Variants in ZNF503 observed in about 807,000 individuals in gnomAD.
ZNF503 encodes zinc finger protein 503.
In ZNF503, 15 loss-of-function variants were observed where a neutral mutation model predicts 34.4. The observed-to-expected ratio is 0.44, with a 90% CI of 0.29 to 0.67. ZNF503 has a LOEUF of 0.67. Among genes scored for constraint, ZNF503 ranks in the 30% least tolerant of loss-of-function variants. The pLI, the probability that ZNF503 is intolerant of heterozygous loss-of-function variation, is 0.13. For missense variants in ZNF503, 1,007 were observed against 926.8 expected, an observed-to-expected ratio of 1.09 and a Z score of -1.12; for synonymous variants, 580 against 456.8, an observed-to-expected ratio of 1.27 and a Z score of -3.44.
chr10:75,357,277 G>C, the ZNF503 span, among the ~76,000 whole-genome samples: 8 of 152,046 alleles, frequency 5.3e-5, no homozygotes, highest in Admixed American at 2.6e-4. Flanking sequence ...CAACACTTTG[G>C]GGGGCAGAGC....
At chr10:75,347,420 G>A in the ZNF503 span, among the ~76,000 whole-genome samples, 1 of 152,252 alleles carries the variant, frequency 6.6e-6, no homozygotes, top group South Asian at 2.1e-4. Context: ...CCCGAGAAGT[G>A]TGGAGTCAAG....
the ZNF503 span, among the ~76,000 whole-genome samples, chr10:75,333,098 C>T: frequency 4.2e-5 from 6 of 141,806 alleles, no homozygotes; most frequent in East Asian, 6.5e-4. Flanking sequence ...GCTGGCCGGG[C>T]GGGGGGCTGA....
chr10:75,401,791 C>G (rs774766435), upstream of ZNF503: 53 of 274,844 alleles, frequency 1.9e-4, no homozygotes, highest in Admixed American at 1.6e-3. Context: ...TCAAAAGCAG[C>G]TGCACCAAGG....
chr10:75,289,768 G>C, the ZNF503 span, among the ~76,000 whole-genome samples: 8 of 152,086 alleles, frequency 5.3e-5, no homozygotes, highest in Non-Finnish European at 1.2e-4. Context: ...GTTTCACCAT[G>C]TTGACTGGGC....
the ZNF503 span, among the ~76,000 whole-genome samples, chr10:75,375,529 CT>C: frequency 6.6e-6 from 1 of 151,640 alleles, no homozygotes; most frequent in South Asian, 2.1e-4. Context: ...TTTTCCTTTT[CT>C]TTTTGAGACA....
the ZNF503 span, among the ~76,000 whole-genome samples, chr10:75,322,128 T>TG: frequency 1.1e-4 from 1 of 9,450 alleles, no homozygotes; most frequent in African/African-American, 1.5e-3. Context: ...CCACCACCAA[T>TG]TTTTTTTTTT....
At chr10:75,339,230 C>CA in the ZNF503 span, among the ~76,000 whole-genome samples, 2 of 149,990 alleles carry the variant, frequency 1.3e-5, no homozygotes, top group African/African-American at 4.9e-5. Flanking sequence ...GACTCCGTCT[C>CA]AAAAAAAAAG....
chr10:75,283,547 C>CGTCCCCTGTAT, the ZNF503 span, among the ~76,000 whole-genome samples: 8 of 152,082 alleles, frequency 5.3e-5, no homozygotes, highest in African/African-American at 1.9e-4. Context: ...AGAGAACTGT[C>CGTCCCCTGTAT]GTCCCCTGTA....
chr10:75,351,333 G>A, the ZNF503 span, among the ~76,000 whole-genome samples: 49 of 152,150 alleles, frequency 3.2e-4, no homozygotes, highest in African/African-American at 1.2e-3. Flanking sequence ...CACCACACCC[G>A]GCTAATTTTT....
chr10:75,329,547 C>T, the ZNF503 span, among the ~76,000 whole-genome samples: 1 of 152,032 alleles, frequency 6.6e-6, no homozygotes, highest in South Asian at 2.1e-4. Flanking sequence ...TACCTAATAG[C>T]CTTGACCTCC....
the ZNF503 span, among the ~76,000 whole-genome samples, chr10:75,366,598 G>A: frequency 5.9e-5 from 9 of 152,354 alleles, 1 homozygote; most frequent in South Asian, 1.9e-3. Flanking sequence ...TGGGGAAATT[G>A]TAGGATGTTT....
At chr10:75,342,930 C>T in the ZNF503 span, among the ~76,000 whole-genome samples, 1 of 152,084 alleles carries the variant, frequency 6.6e-6, no homozygotes, top group Non-Finnish European at 1.5e-5. Context: ...CACTTAAATG[C>T]GTTAATGTGA....
chr10:75,386,716 C>G, the ZNF503 span, among the ~76,000 whole-genome samples: 1 of 152,198 alleles, frequency 6.6e-6, no homozygotes, highest in African/African-American at 2.4e-5. Context: ...TATTGAAGAA[C>G]AAGACATGAT....
the ZNF503 span, among the ~76,000 whole-genome samples, chr10:75,357,395 G>A: frequency 6.6e-6 from 1 of 152,000 alleles, no homozygotes; most frequent in Admixed American, 6.6e-5. Context: ...GTGCATGCCT[G>A]TTGTCCCAGC....
the ZNF503 span, among the ~76,000 whole-genome samples, chr10:75,387,951 T>C: frequency 6.6e-6 from 1 of 152,166 alleles, no homozygotes; most frequent in East Asian, 1.9e-4. Context: ...TTTCCTCTGG[T>C]GTAAAGGATC....
chr10:75,332,117 T>TGTA, the ZNF503 span, among the ~76,000 whole-genome samples: 37 of 152,250 alleles, frequency 2.4e-4, no homozygotes, highest in Non-Finnish European at 4.9e-4. Flanking sequence ...AAAGTGTGGG[T>TGTA]GTAGTTTTCT....
the ZNF503 span, among the ~76,000 whole-genome samples, chr10:75,286,621 G>T: frequency 2.6e-5 from 4 of 152,280 alleles, no homozygotes; most frequent in East Asian, 7.7e-4. Context: ...TGCTCGTATG[G>T]GTGCTGTGAA....
the ZNF503 span, among the ~76,000 whole-genome samples, chr10:75,362,975 GT>G: frequency 6.6e-6 from 1 of 152,146 alleles, no homozygotes; most frequent in African/African-American, 2.4e-5. Context: ...CCACCCCTGG[GT>G]GTGAAAGCTG....
chr10:75,339,206 G>A, the ZNF503 span, among the ~76,000 whole-genome samples: 1 of 152,200 alleles, frequency 6.6e-6, no homozygotes, highest in African/African-American at 2.4e-5. Context: ...ACTCCAGCCT[G>A]GGTGACAGAG....
Sources: allele counts gnomAD v4.1 joint callset (sites outside exome capture counted in the v4.1 genomes callset), GRCh38; gene constraint gnomAD v4.1.1; transcripts MANE v1.5; gene names NCBI Gene and HGNC (gene_info 2026-07-23, HGNC 2026-07-21).